The following USP40 variants were observed in gnomAD, a reference collection of about 807,000 sequenced individuals.
USP40 encodes the protein ubiquitin carboxyl-terminal hydrolase 40.
Under a neutral mutation model 166.2 loss-of-function variants are expected in USP40, and 143 were observed. The observed-to-expected ratio is 0.86, with a 90% CI of 0.75 to 0.99. The LOEUF (loss-of-function observed/expected upper bound fraction) is 0.99, where lower values mean the gene tolerates loss of function less well. Among genes scored for constraint, USP40 ranks in the 50% least tolerant of loss-of-function variants. The pLI, the probability that USP40 is intolerant of heterozygous loss-of-function variation, is 0.00. For missense variants in USP40, 1,444 were observed against 1,479.7 expected (o/e 0.98, Z 0.40); for synonymous variants, 498 against 524.0 (o/e 0.95, Z 0.68).
chr2:233,553,551 C>T (rs1208903433), intron 6 of USP40, among the ~76,000 whole-genome samples: 1 of 152,104 alleles, frequency 6.6e-6, no homozygotes, highest in African/African-American at 2.4e-5. Context: ...ATAATAAATC[C>T]CTGCCATATC....
Position 233,512,566 on chromosome 2 carries a change from T to C in USP40, c.2437+3A>G, listed in dbSNP as rs183038477. 6.3e-7 allele frequency: 1 copy of C among 1,580,134 alleles called. No homozygotes were observed. On this transcript the variant is annotated splice_donor_region_variant and intron_variant, in intron 19 of 31. Transcript: ENST00000678225. Reference sequence around the variant, plus strand: ...CCTTTTGAAAGTTATCAAAAAGATTTACCTGGACAAAGAAGCTTCCCATTT... The same window carrying C: ...CCTTTTGAAAGTTATCAAAAAGATTCACCTGGACAAAGAAGCTTCCCATTT...
Position 233,485,765 on chromosome 2 carries a change from AC to A in USP40, c.3408+1del. The stretch of plus-strand genomic sequence containing the variant: ...TTCTCTGAGACAGCCCCACAACTTT[AC>A]CCAGCTAGATATCGGAAGCCACTCG... On this transcript the variant is annotated splice_donor_variant, in intron 29 of 31. Coordinates refer to ENST00000678225, the MANE Select transcript of USP40 (RefSeq NM_001365479.2). LOFTEE classifies it high-confidence loss of function. 6.2e-7 allele frequency: 1 copy of A among 1,612,792 alleles called. No individual in the cohort carries two copies. Among genetic ancestry groups the A allele is most frequent in the East Asian group, 2.2e-5 (1 of 44,874 alleles).
intron 27 of USP40, 53 bp from the exon 28 acceptor site, chr2:233,488,357 T>G (rs1380776750): frequency 1.3e-6 from 2 of 1,486,454 alleles, no homozygotes; most frequent in African/African-American, 2.9e-5. Flanking sequence ...TTAATTTTCT[T>G]GAATTTTTTT....
At chr2:233,478,123 C>T (rs79093889) in intron 31 of USP40, among the ~76,000 whole-genome samples, 1,769 of 152,400 alleles carry the variant, frequency 0.012, 42 homozygotes, top group African/African-American at 0.04. Context: ...TCCTTCAATA[C>T]GGCCAGAATC....
intron 27 of USP40, 33 bp downstream of exon 27, chr2:233,489,332 G>C (rs2065153353): frequency 2.6e-6 from 4 of 1,537,036 alleles, no homozygotes; most frequent in South Asian, 1.2e-5. Flanking sequence ...CAGCAGCAGA[G>C]AGGGACAGTG....
chr2:233,483,077 C>T (rs2064728871), intron 30 of USP40, among the ~76,000 whole-genome samples: 1 of 152,058 alleles, frequency 6.6e-6, no homozygotes, highest in Non-Finnish European at 1.5e-5. Flanking sequence ...GCGTATGTCG[C>T]TCCCCTGTTT....
At chr2:233,546,488 C>G (rs1399085930) in intron 8 of USP40, 2 of 152,156 alleles carry the variant, frequency 1.3e-5, no homozygotes, top group Non-Finnish European at 1.5e-5. Context: ...AAAACTGTAG[C>G]AGGCATCAAG....
At chr2:233,518,529 T>C (rs1378380690) in intron 18 of USP40, among the ~76,000 whole-genome samples, 1 of 141,768 alleles carries the variant, frequency 7.1e-6, no homozygotes, top group Non-Finnish European at 1.5e-5. Context: ...ATCGTGTCAC[T>C]GCACTCCAGC....
At chr2:233,526,691 G>GA (rs2068057940) in intron 13 of USP40, among the ~76,000 whole-genome samples, 1 of 151,986 alleles carries the variant, frequency 6.6e-6, no homozygotes, top group Non-Finnish European at 1.5e-5. Context: ...GTGATTAGGA[G>GA]AAAAAAACCC....
At position 233,477,284 on chromosome 2, in the gene USP40, A is replaced by G. The variant is rs13423871; in HGVS notation, c.*108T>C. 1 of 986,424 alleles carries G rather than the reference A, an allele frequency of 1.0e-6. No homozygotes were observed. Among genetic ancestry groups the G allele is most frequent in the Admixed American group, 2.0e-5 (1 of 49,996 alleles). 61.1% of individuals were successfully genotyped at this position (986,424 alleles called of 1,614,324 possible). ...CCGTCCCTGTGCTCAAAGGAAGCAG[A>G]GGATTTGGGATTGGAGGCGCCAGGC... On this transcript the variant is annotated 3_prime_UTR_variant, in exon 32 of 32. Coordinates refer to ENST00000678225, the MANE Select transcript of USP40 (RefSeq NM_001365479.2).
chr2:233,512,989 A>G (rs2066939319), intron 18 of USP40: 1 of 153,106 alleles, frequency 6.5e-6, no homozygotes, highest in African/African-American at 2.4e-5. Context: ...CGTTATTAAT[A>G]TTATACATGT....
intron 28 of USP40, chr2:233,487,917 G>A (rs1376145853): frequency 1.6e-5 from 9 of 566,148 alleles, no homozygotes; most frequent in Middle Eastern, 2.7e-4. Context: ...TGATGAATCC[G>A]TTGGATGGCA....
Position 233,493,525 on chromosome 2 carries a change from C to A in USP40, c.2817G>T (p.Trp939Cys), listed in dbSNP as rs368566732. The A allele has an allele frequency of 6.2e-7, 1 of 1,613,304 alleles. No homozygotes were observed. The highest frequency in any genetic ancestry group is 8.5e-7 in the Non-Finnish European group (1 of 1,179,606). Residue 939 changes from tryptophan to cysteine, a missense_variant, in exon 25 of 32, where the codon TGG becomes TGT. Physicochemically the swap from Trp to Cys is radical, Grantham distance 215. Coordinates refer to ENST00000678225, the MANE Select transcript of USP40 (RefSeq NM_001365479.2). The surrounding 1 kb of genome is among the most constrained non-coding windows in gnomAD (Gnocchi z 4.7). ...GTCCTGAGGGACCCTGAAGCTGGTA[C>A]CACCAGATGGGCACCTTCAGGAAAC... ...PLGFLKVPIW[W>C]YQLQGPSGHW...
At chr2:233,512,514 T>C in intron 19 of USP40, 55 bp downstream of exon 19, 4 of 1,282,426 alleles carry the variant, frequency 3.1e-6, no homozygotes, top group Non-Finnish European at 4.3e-6. Flanking sequence ...CCACTATTTA[T>C]CAAGAAAGAC....
chr2:233,544,482 C>T (rs1480577514), intron 8 of USP40, among the ~76,000 whole-genome samples: 1 of 152,162 alleles, frequency 6.6e-6, no homozygotes, highest in African/African-American at 2.4e-5. Context: ...GTCAGGGAAG[C>T]AGGGCTGAAA....
At chr2:233,491,620 G>C (rs75223312) in intron 25 of USP40, among the ~76,000 whole-genome samples, 11,957 of 151,934 alleles carry the variant, frequency 0.079, 585 homozygotes, top group South Asian at 0.14. Flanking sequence ...GTGTGTGTGT[G>C]TGTGTGTGTG....
At chr2:233,527,311 T>C (rs1223655770) in intron 13 of USP40, 96 bp downstream of exon 13, 13 of 1,380,390 alleles carry the variant, frequency 9.4e-6, no homozygotes, top group Non-Finnish European at 1.3e-5. Flanking sequence ...TAAGCAGCTT[T>C]GAAAAATAAA....
intron 21 of USP40, among the ~76,000 whole-genome samples, chr2:233,504,253 A>C (rs1219820638): frequency 2.0e-5 from 3 of 152,104 alleles, no homozygotes; most frequent in African/African-American, 7.2e-5. Context: ...TCTACAAAAC[A>C]ACCAGAAAAC....
rs1383440058 is a variant in USP40 at position 233,566,779 on chromosome 2, A to C, written c.-115T>G. 1.0e-6 allele frequency: 1 copy of C among 985,776 alleles called. No homozygotes were observed. The highest frequency in any genetic ancestry group is 1.1e-4 in the East Asian group (1 of 8,822). The allele number at this position is 985,776 out of a possible 1,614,324, so 61.1% of individuals were successfully genotyped here. On this transcript the variant is annotated 5_prime_UTR_variant, in exon 1 of 32. Transcript: ENST00000678225. ...ATGTTGGCGAGGGCGGGTCTCCAGAAAGTGATTTATGGATCGTGGACTATG... is the reference window on the plus strand; with the variant it reads ...ATGTTGGCGAGGGCGGGTCTCCAGACAGTGATTTATGGATCGTGGACTATG...
Sources: gnomAD v4.1 joint callset for allele counts (sites outside exome capture counted in the v4.1 genomes callset) on GRCh38, gnomAD v4.1.1 for gene constraint, Gnocchi (gnomAD v3.1) non-coding constraint, MANE v1.5 for transcripts, NCBI Gene and HGNC (gene_info 2026-07-23, HGNC 2026-07-21) for gene names.